TXNDC5: variants seen among roughly 807,000 people sequenced by gnomAD.
TXNDC5 encodes the protein thioredoxin domain containing 5, also known as thioredoxin domain-containing protein 5.
TXNDC5 carries 44 observed loss-of-function variants against 52.6 expected under a neutral mutation model. The observed-to-expected ratio is 0.84, with a 90% CI of 0.66 to 1.08. The LOEUF (loss-of-function observed/expected upper bound fraction) is 1.08, where lower values mean the gene tolerates loss of function less well. TXNDC5 is among the 50% of genes least tolerant of loss of function. The pLI is 0.00. For missense variants in TXNDC5, 600 were observed against 565.5 expected, an observed-to-expected ratio of 1.06 and a Z score of -0.62; for synonymous variants, 241 against 234.4, an observed-to-expected ratio of 1.03 and a Z score of -0.26.
chr6:7,900,388 T>G (rs886669534), intron 2 of TXNDC5: 2 of 152,114 alleles, frequency 1.3e-5, no homozygotes, highest in African/African-American at 4.8e-5. Flanking sequence ...GCTCTAATAC[T>G]CTAGATAAAA....
chr6:7,896,077 C>T (rs1251164717), intron 3 of TXNDC5, among the ~76,000 whole-genome samples: 1 of 152,128 alleles, frequency 6.6e-6, no homozygotes, highest in Non-Finnish European at 1.5e-5. Context: ...CCTGGTTATC[C>T]TTACTTTACA....
chr6:7,907,779 T>C (rs562894205), intron 1 of TXNDC5, among the ~76,000 whole-genome samples: 18 of 152,270 alleles, frequency 1.2e-4, no homozygotes, highest in Non-Finnish European at 1.9e-4. Context: ...TACCAAAGTG[T>C]TGTGCCAGGT....
At chr6:7,903,567 GACT>G (rs1251958126) in intron 2 of TXNDC5, among the ~76,000 whole-genome samples, 1 of 152,186 alleles carries the variant, frequency 6.6e-6, no homozygotes, top group African/African-American at 2.4e-5. Flanking sequence ...GCTGGGATTT[GACT>G]ACGACTTCTA....
intron 3 of TXNDC5, 28 bp from the exon 4 acceptor site, chr6:7,895,230 G>A: frequency 4.4e-6 from 7 of 1,592,916 alleles, no homozygotes; most frequent in Non-Finnish European, 6.0e-6. Context: ...AACAGTCATG[G>A]GTGTGTCAGT....
In TXNDC5 at chr6:7,910,479, A is replaced by T. The variant is rs1183957649; in HGVS notation, c.263+35T>A. 2.9e-6 allele frequency: 4 copies of T among 1,380,862 alleles called. No homozygotes were observed. In the East Asian group the frequency reaches 1.5e-4, roughly 51 times the overall value. The allele number at this position is 1,380,862 out of a possible 1,614,324, so 85.5% of individuals were successfully genotyped here. ...GCGCCCCACGCCCCGCGAAGCGCCA[A>T]GTGCGGGGCAGGGCGCCGGCCTGCG... is the stretch of plus-strand genomic sequence containing the variant. On this transcript the variant is annotated intron_variant, in intron 1 of 9. Coordinates refer to ENST00000379757, the MANE Select transcript of TXNDC5 (RefSeq NM_030810.5).
At chr6:7,895,230 G>T in intron 3 of TXNDC5, 28 bp from the exon 4 acceptor site, 1 of 1,592,914 alleles carries the variant, frequency 6.3e-7, no homozygotes, top group Non-Finnish European at 8.6e-7. Flanking sequence ...AACAGTCATG[G>T]GTGTGTCAGT....
intron 2 of TXNDC5, among the ~76,000 whole-genome samples, chr6:7,904,272 T>C (rs1423070256): frequency 6.6e-6 from 1 of 152,028 alleles, no homozygotes; most frequent in East Asian, 1.9e-4. Context: ...AAGCCAAAAC[T>C]GATGACAGTC....
chr6:7,910,585 G>C lies in TXNDC5; in HGVS notation c.192C>G (p.His64Gln). The change falls in exon 1 of 10, where the codon CAC becomes CAG. Residue 64 changes from histidine to glutamine, a missense_variant. Coordinates refer to ENST00000379757, the MANE Select transcript of TXNDC5 (RefSeq NM_030810.5). ...GCGTGAACATGTCGGCCGTGTACAG[G>C]TGCTTGCTGTGCGGGTCCTGTCCGT... Reference protein sequence around the residue: ...GEDGQDPHSKHLYTADMFTHG... With the variant: ...GEDGQDPHSKQLYTADMFTHG... 7.0e-7 allele frequency: 1 copy of C among 1,429,924 alleles called. No homozygotes were observed. The highest frequency in any genetic ancestry group is 9.3e-7 in the Non-Finnish European group (1 of 1,078,464). The allele number at this position is 1,429,924 out of a possible 1,614,324, so 88.6% of individuals were successfully genotyped here. A position where few individuals can be genotyped will look rare whatever the true frequency, so the allele number is the denominator to read the frequency against.
At chr6:7,909,016 T>C (rs905481975) in intron 1 of TXNDC5, among the ~76,000 whole-genome samples, 1 of 152,226 alleles carries the variant, frequency 6.6e-6, no homozygotes, top group Non-Finnish European at 1.5e-5. Flanking sequence ...TTCTAAACCA[T>C]TGGAGTTGTA....
In TXNDC5 at chr6:7,904,584, C is replaced by T. The variant is rs766465988; in HGVS notation, c.403G>A (p.Gly135Arg). 1.9e-6 allele frequency: 3 copies of T among 1,614,022 alleles called. No individual in the cohort carries two copies. The highest frequency in any genetic ancestry group is 1.1e-5 in the South Asian group (1 of 91,082). The change falls in exon 2 of 10, where the codon GGA becomes AGA. Residue 135 changes from glycine to arginine, a missense_variant. By Grantham distance (125) the Gly-to-Arg change is moderately radical (BLOSUM62 -2). Coordinates refer to ENST00000379757, the MANE Select transcript of TXNDC5 (RefSeq NM_030810.5). ...SDVCSAQGVR[G>R]YPTLKLFKPG... ...TTCCTTCCAACTTACGTGGGGTATC[C>T]TCGCACCCCCTGGGCGGAGCACACG...
intron 1 of TXNDC5, chr6:7,909,775 C>T (rs1335798587): frequency 4.1e-6 from 4 of 985,936 alleles, no homozygotes; most frequent in African/African-American, 1.7e-5. Flanking sequence ...ACCACTCCTT[C>T]CTATCCCACA....
chr6:7,898,867 C>T (rs1454758367), intron 3 of TXNDC5, among the ~76,000 whole-genome samples: 2 of 152,150 alleles, frequency 1.3e-5, no homozygotes, highest in Non-Finnish European at 2.9e-5. Flanking sequence ...TAAGAGTCTA[C>T]AATCTCCTGA....
At chr6:7,887,487 G>A (rs1367045169) in intron 7 of TXNDC5, among the ~76,000 whole-genome samples, 1 of 121,942 alleles carries the variant, frequency 8.2e-6, no homozygotes, top group Non-Finnish European at 1.6e-5. Context: ...GACTCGCCTC[G>A]GACCCTCCCT....
intron 3 of TXNDC5, among the ~76,000 whole-genome samples, chr6:7,895,921 G>A (rs1760354671): frequency 6.6e-6 from 1 of 152,146 alleles, no homozygotes; most frequent in Non-Finnish European, 1.5e-5. Context: ...TGATCCCAGG[G>A]GGTGGAGGCT....
chr6:7,891,503 T>G, intron 5 of TXNDC5, 118 bp downstream of exon 5: 1 of 715,494 alleles, frequency 1.4e-6, no homozygotes, highest in Non-Finnish European at 2.3e-6. Flanking sequence ...AGTGGCACAC[T>G]AAATGGAATT....
intron 1 of TXNDC5, chr6:7,909,883 C>A (rs1032908276): frequency 5.1e-6 from 5 of 985,902 alleles, no homozygotes; most frequent in Non-Finnish European, 1.2e-6. Context: ...CAGCCGACCC[C>A]GGTGGCCGCG....
At chr6:7,899,880 T>G (rs553150621) in intron 2 of TXNDC5, 199 bp from the exon 3 acceptor site, 1 of 439,932 alleles carries the variant, frequency 2.3e-6, no homozygotes, top group African/African-American at 2.0e-5. Flanking sequence ...TTTCAGAAGT[T>G]TCTGGTTTTA....
At chr6:7,899,539 G>A (rs758396107) in intron 3 of TXNDC5, 37 bp downstream of exon 3, 18 of 1,454,072 alleles carry the variant, frequency 1.2e-5, no homozygotes, top group Non-Finnish European at 1.6e-5. Flanking sequence ...GAGAGAGGGA[G>A]GGAGGGAGGG....
chr6:7,907,962 G>GT (rs1168410574), intron 1 of TXNDC5, among the ~76,000 whole-genome samples: 1 of 152,100 alleles, frequency 6.6e-6, no homozygotes, highest in Non-Finnish European at 1.5e-5. Context: ...ACATATCTCT[G>GT]TTTAAGTATT....
Sources: gnomAD v4.1 joint callset for allele counts (sites outside exome capture counted in the v4.1 genomes callset) on GRCh38, gnomAD v4.1.1 for gene constraint, MANE v1.5 for transcripts, NCBI Gene and HGNC (gene_info 2026-07-23, HGNC 2026-07-21) for gene names.